CADM2: variants seen among roughly 807,000 people sequenced by gnomAD.
CADM2 encodes the protein immunoglobulin superfamily member 4D.
Under a neutral mutation model 49.8 loss-of-function variants are expected in CADM2, and 12 were observed. The observed-to-expected ratio is 0.24, with a 90% confidence interval of 0.15 to 0.39. CADM2 has a LOEUF of 0.39. Among genes scored for constraint, CADM2 ranks in the 10% least tolerant of loss-of-function variants. The probability of loss-of-function intolerance (pLI) is 1.00; values close to 1 mark genes in which losing one functional copy is unlikely to be tolerated. For synonymous variants in CADM2, 214 were observed against 175.4 expected, an observed-to-expected ratio of 1.22 and a Z score of -1.74; for missense variants, 378 against 492.3, an observed-to-expected ratio of 0.77 and a Z score of 2.20.
At chr3:85,001,000 CTGT>C (rs2033435089) in intron 1 of CADM2, among the ~76,000 whole-genome samples, 1 of 152,076 alleles carries the variant, frequency 6.6e-6, no homozygotes, top group Non-Finnish European at 1.5e-5. Context: ...TACCTTCCAC[CTGT>C]TACACAAAAT....
chr3:85,285,598 A>C (rs927441038), intron 1 of CADM2, among the ~76,000 whole-genome samples: 3 of 152,090 alleles, frequency 2.0e-5, no homozygotes, highest in Admixed American at 2.0e-4. Context: ...TAAGTGCAAG[A>C]ATAAAATATG....
chr3:86,041,935 C>T (rs1022297914), intron 8 of CADM2, among the ~76,000 whole-genome samples: 18 of 152,100 alleles, frequency 1.2e-4, no homozygotes, highest in African/African-American at 2.2e-4. Context: ...CACTCAAAAC[C>T]GCTCAACTAC....
At chr3:85,532,590 C>T (rs1188757412) in intron 1 of CADM2, among the ~76,000 whole-genome samples, 1 of 152,104 alleles carries the variant, frequency 6.6e-6, no homozygotes, top group African/African-American at 2.4e-5. Context: ...TGTGTGGTGG[C>T]AAATGGCAGG....
At chr3:85,761,996 T>A (rs7612371) in intron 2 of CADM2, among the ~76,000 whole-genome samples, 104,582 of 152,058 alleles carry the variant, frequency 0.69, 36,911 homozygotes, top group African/African-American at 0.85. Flanking sequence ...AAGTTAGGGA[T>A]TTTATGTATG....
intron 8 of CADM2, among the ~76,000 whole-genome samples, chr3:86,022,410 CCTT>C (rs1185761291): frequency 2.0e-5 from 3 of 152,044 alleles, no homozygotes; most frequent in African/African-American, 4.8e-5. Flanking sequence ...CTATCTCTCT[CCTT>C]CTCTTTCAAA....
intron 1 of CADM2, among the ~76,000 whole-genome samples, chr3:84,996,572 G>T (rs2107197674): frequency 6.6e-6 from 1 of 152,086 alleles, no homozygotes; most frequent in African/African-American, 2.4e-5. Flanking sequence ...TGGATTTAAT[G>T]ATAAAAAATA....
intron 8 of CADM2, chr3:86,014,192 T>C: frequency 7.7e-7 from 1 of 1,292,862 alleles, no homozygotes; most frequent in Non-Finnish European, 1.1e-6. Context: ...ATGGTATAAA[T>C]AGTGACACAA....
chr3:85,290,089 G>A (rs767493053), intron 1 of CADM2, among the ~76,000 whole-genome samples: 6 of 152,096 alleles, frequency 3.9e-5, no homozygotes, highest in East Asian at 1.9e-4. Flanking sequence ...TGTGTGCACC[G>A]TGGGCGATCC....
intron 1 of CADM2, among the ~76,000 whole-genome samples, chr3:84,971,687 G>A (rs1442475849): frequency 1.3e-5 from 2 of 152,096 alleles, no homozygotes; most frequent in Non-Finnish European, 2.9e-5. Flanking sequence ...ATCCCTGAAA[G>A]ATACAACAGC....
At chr3:85,205,646 A>G (rs2041614234) in intron 1 of CADM2, among the ~76,000 whole-genome samples, 1 of 152,136 alleles carries the variant, frequency 6.6e-6, no homozygotes, top group Non-Finnish European at 1.5e-5. Flanking sequence ...AATAAAATAG[A>G]TCATAGATTA....
chr3:85,317,320 G>GAT (rs1452422749), intron 1 of CADM2, among the ~76,000 whole-genome samples: 1 of 152,100 alleles, frequency 6.6e-6, no homozygotes. Context: ...GGACCTGACA[G>GAT]ATATATTTTG....
At chr3:85,687,760 C>T (rs1266808475) in intron 1 of CADM2, among the ~76,000 whole-genome samples, 5 of 152,160 alleles carry the variant, frequency 3.3e-5, no homozygotes, top group Non-Finnish European at 7.3e-5. Context: ...TTCAACAAAA[C>T]TATCCAGAGA....
chr3:86,013,166 T>A, intron 8 of CADM2: 1 of 1,358,506 alleles, frequency 7.4e-7, no homozygotes, highest in East Asian at 2.3e-5. Context: ...AAGAACTGAG[T>A]GAAGACGAAA....
At chr3:85,532,951 T>C (rs1479535536) in intron 1 of CADM2, among the ~76,000 whole-genome samples, 2 of 152,090 alleles carry the variant, frequency 1.3e-5, no homozygotes, top group Non-Finnish European at 2.9e-5. Flanking sequence ...GGGAGCTAGA[T>C]GATGAGGAGT....
intron 1 of CADM2, among the ~76,000 whole-genome samples, chr3:85,046,991 A>G (rs2035692248): frequency 6.6e-6 from 1 of 152,198 alleles, no homozygotes; most frequent in Non-Finnish European, 1.5e-5. Flanking sequence ...CTAAAAAATA[A>G]GACATAAAAG....
chr3:85,477,653 T>G (rs2039033896), intron 1 of CADM2, among the ~76,000 whole-genome samples: 1 of 151,902 alleles, frequency 6.6e-6, no homozygotes, highest in Non-Finnish European at 1.5e-5. Context: ...TTAGTTAGGT[T>G]GACATTTTTC....
In CADM2 at chr3:85,447,200, G is replaced by A. The variant is rs142507488; in HGVS notation, c.62-279322G>A. Among the ~76,000 whole-genome samples the A allele has an allele frequency of 1.7e-4, 26 of 151,564 alleles. 2 individuals are homozygous for A. The East Asian group carries it at 5.1e-3, about 29-fold the overall frequency. ...GAAAAGTGTCAAATATTGGGGACAAGTGCCACAAAACAGAAATCTACATCA... is the reference window on the plus strand; with the variant it reads ...GAAAAGTGTCAAATATTGGGGACAAATGCCACAAAACAGAAATCTACATCA... On this transcript the variant is annotated intron_variant, in intron 1 of 9. Transcript: ENST00000383699.
intron 1 of CADM2, among the ~76,000 whole-genome samples, chr3:85,355,537 T>G (rs1360858070): frequency 2.6e-5 from 4 of 152,152 alleles, no homozygotes; most frequent in African/African-American, 9.7e-5. Context: ...CCATTTTTCA[T>G]TCACTTATTT....
At chr3:85,881,211 T>C (rs1042578853) in intron 3 of CADM2, among the ~76,000 whole-genome samples, 9 of 152,144 alleles carry the variant, frequency 5.9e-5, no homozygotes, top group Admixed American at 2.0e-4. Context: ...AGTTTTTATA[T>C]TGGCTTTTGT....
Sources: gnomAD v4.1 joint callset for allele counts (sites outside exome capture counted in the v4.1 genomes callset) on GRCh38, gnomAD v4.1.1 for gene constraint, MANE v1.5 for transcripts, NCBI Gene and HGNC (gene_info 2026-07-23, HGNC 2026-07-21) for gene names.